Variants in ZNF516 observed in about 807,000 individuals in gnomAD.
ZNF516 encodes zinc finger protein 516.
A neutral mutation model predicts 79.7 loss-of-function variants in ZNF516; 19 were observed. The observed-to-expected ratio is 0.24, with a 90% CI of 0.17 to 0.35. The LOEUF (loss-of-function observed/expected upper bound fraction) is 0.35. Among genes scored for constraint, ZNF516 ranks in the 10% least tolerant of loss-of-function variants. The pLI, the probability that ZNF516 is intolerant of heterozygous loss-of-function variation, is 1.00. For synonymous variants in ZNF516, 877 were observed against 739.5 expected (o/e 1.19, Z -3.02); for missense variants, 1,678 against 1,679.5 (o/e 1.00, Z 0.02).
intron 3 of ZNF516, among the ~76,000 whole-genome samples, chr18:76,398,592 C>A (rs954233540): frequency 6.6e-6 from 1 of 152,062 alleles, no homozygotes; most frequent in Non-Finnish European, 1.5e-5. Context: ...AAAGCCAGGC[C>A]CATAACACTA....
Position 76,442,491 on chromosome 18 carries a change from G to A in ZNF516, c.564C>T (p.Asp188=), listed in dbSNP as rs754560860. The stretch of plus-strand genomic sequence containing the variant: ...GCGCCTGGTGCACGTGCAGCTCCAG[G>A]TCCTTCTTACGCTCGAACTGGCTCT... ...FCKSQFERKK[D]LELHVHQAHK... The change falls in exon 3 of 7, where the codon GAC becomes GAT. Residue 188 remains aspartate (D), a synonymous_variant. Coordinates refer to ENST00000443185, the MANE Select transcript of ZNF516 (RefSeq NM_014643.4). The A allele has an allele frequency of 6.2e-7, 1 of 1,602,952 alleles. No homozygotes were observed. Among genetic ancestry groups the A allele is most frequent in the African/African-American group, 1.3e-5 (1 of 74,926 alleles).
At chr18:76,373,808 T>C (rs1293667021) in intron 4 of ZNF516, among the ~76,000 whole-genome samples, 1 of 152,274 alleles carries the variant, frequency 6.6e-6, no homozygotes. Context: ...CTCTTTACTT[T>C]TTAAAGACAG....
At chr18:76,371,639 G>A (rs1373727721) in intron 4 of ZNF516, 68 bp from the exon 5 acceptor site, 8 of 1,291,702 alleles carry the variant, frequency 6.2e-6, no homozygotes, top group African/African-American at 4.4e-5. Context: ...GGAGGCAGGA[G>A]AGCGAGGGGG....
upstream of ZNF516, chr18:76,496,322 AGTGGAG>A (rs1291093167): frequency 7.8e-7 from 1 of 1,289,514 alleles, no homozygotes; most frequent in South Asian, 1.2e-5. Context: ...ATAACTCCGC[AGTGGAG>A]GTGGATTCCG....
At chr18:76,480,550 T>G (rs892565455) in intron 1 of ZNF516, among the ~76,000 whole-genome samples, 1 of 145,002 alleles carries the variant, frequency 6.9e-6, no homozygotes, top group Non-Finnish European at 1.5e-5. Flanking sequence ...TGAGACGGAG[T>G]CTTGCTCTGT....
chr18:76,385,426 C>T (rs1023775889), intron 3 of ZNF516, among the ~76,000 whole-genome samples: 3 of 152,216 alleles, frequency 2.0e-5, no homozygotes, highest in African/African-American at 4.8e-5. Context: ...GGTGAGGGCA[C>T]TTTGTATAAA....
chr18:76,405,342 C>G (rs183737478), intron 3 of ZNF516, among the ~76,000 whole-genome samples: 1 of 152,304 alleles, frequency 6.6e-6, no homozygotes, highest in East Asian at 1.9e-4. Flanking sequence ...AAGCGATCCT[C>G]CCGCCTCAGC....
intron 1 of ZNF516, among the ~76,000 whole-genome samples, chr18:76,483,828 C>G (rs1914672080): frequency 6.6e-6 from 1 of 152,230 alleles, no homozygotes; most frequent in Non-Finnish European, 1.5e-5. Context: ...GGAATCTGCG[C>G]AGATAGCTGC....
In ZNF516 at chr18:76,442,336, TTGCCGTTCTCCACGCAGGCCTCGCCGC is replaced by T. The variant is rs1274018587; in HGVS notation, c.692_718del (p.Ser231_Gly239del). The T allele has an allele frequency of 1.2e-6, 2 of 1,610,970 alleles. No homozygotes were observed. Among genetic ancestry groups the T allele is most frequent in the Non-Finnish European group, 1.7e-6 (2 of 1,179,286 alleles). Reference sequence around the variant, plus strand: ...GAACTCCCCGGGGCTCAGCTCGGGCTTGCCGTTCTCCACGCAGGCCTCGCCGCTGCCGGGCCCCTGCGCGGTGATGTG... The same window carrying T: ...GAACTCCCCGGGGCTCAGCTCGGGCTTGCCGGGCCCCTGCGCGGTGATGTG... On this transcript the variant is annotated inframe_deletion, in exon 3 of 7. Coordinates refer to ENST00000443185, the MANE Select transcript of ZNF516 (RefSeq NM_014643.4).
At chr18:76,485,707 C>T (rs1159714581) in intron 1 of ZNF516, among the ~76,000 whole-genome samples, 1 of 152,044 alleles carries the variant, frequency 6.6e-6, no homozygotes, top group Non-Finnish European at 1.5e-5. Flanking sequence ...CCTGTGAATT[C>T]AACACAGGTC....
intron 1 of ZNF516, chr18:76,490,998 C>T (rs918657775): frequency 2.0e-6 from 2 of 985,284 alleles, no homozygotes; most frequent in Non-Finnish European, 2.4e-6. Context: ...GCGAGGCGCC[C>T]CAAGCCCGGG....
intron 1 of ZNF516, among the ~76,000 whole-genome samples, chr18:76,494,850 A>ACCCCCAC (rs1915415819): frequency 4.1e-5 from 1 of 24,540 alleles, no homozygotes; most frequent in African/African-American, 1.7e-4. Context: ...CCCGGCCCCC[A>ACCCCCAC]CCCCGCCCCT....
At chr18:76,478,886 T>C (rs900569452) in intron 1 of ZNF516, among the ~76,000 whole-genome samples, 1 of 151,960 alleles carries the variant, frequency 6.6e-6, no homozygotes, top group Non-Finnish European at 1.5e-5. Context: ...CAAAACCCCA[T>C]CTCCACTAAA....
At position 76,441,936 on chromosome 18, in the gene ZNF516, C is replaced by G. The variant is rs1365698663; in HGVS notation, c.1119G>C (p.Ala373=). Residue 373 remains alanine, a synonymous_variant, in exon 3 of 7, where the codon GCG becomes GCC. Coordinates refer to ENST00000443185, the MANE Select transcript of ZNF516 (RefSeq NM_014643.4). ...ACTGCTTGGTGTCCGAGGGCCCCTC[C>G]GCCCCCTCCTCGGCCGGGGCGCGCG... The part of the protein sequence containing the change: ...SRTRAPAEEG[A]EGPSDTKQFF... The G allele has an allele frequency of 1.2e-6, 2 of 1,609,726 alleles. No individual in the cohort carries two copies. Among genetic ancestry groups the G allele is most frequent in the Non-Finnish European group, 1.7e-6 (2 of 1,179,028 alleles).
intron 1 of ZNF516, among the ~76,000 whole-genome samples, chr18:76,469,161 G>A (rs542603009): frequency 4.6e-5 from 7 of 152,190 alleles, no homozygotes; most frequent in African/African-American, 1.2e-4. Context: ...CAGGGTGTGC[G>A]AATGTTCCCT....
intron 3 of ZNF516, among the ~76,000 whole-genome samples, chr18:76,400,503 A>G (rs536041465): frequency 6.6e-6 from 1 of 152,288 alleles, no homozygotes; most frequent in Admixed American, 6.5e-5. Context: ...CCCATTAGAC[A>G]TTCTTACTCT....
At chr18:76,456,944 G>A (rs1912765213) in intron 2 of ZNF516, among the ~76,000 whole-genome samples, 1 of 152,168 alleles carries the variant, frequency 6.6e-6, no homozygotes, top group Non-Finnish European at 1.5e-5. Flanking sequence ...TGTGCTGTGA[G>A]GCTGGGTAAA....
intron 3 of ZNF516, among the ~76,000 whole-genome samples, chr18:76,438,828 C>T (rs1294662671): frequency 6.6e-6 from 1 of 152,120 alleles, no homozygotes; most frequent in Admixed American, 6.5e-5. Context: ...CTGGAATGGT[C>T]GCATAGATCT....
In ZNF516 at chr18:76,442,625, A is replaced by G; in HGVS notation, c.430T>C (p.Ser144Pro). 3.1e-6 allele frequency: 5 copies of G among 1,596,048 alleles called. No homozygotes were observed. Among genetic ancestry groups the G allele is most frequent in the Non-Finnish European group, 4.2e-6 (5 of 1,177,920 alleles). ...AGGACTCTGCCGCTGTCGGCCTGCG[A>G]GGCCCCGTTCAGGACCCTGGCGCCG... ...ADGARVLNGA[S>P]QADSGRVLLR... is the part of the protein sequence containing the mutation. Residue 144 changes from serine (S) to proline (P), a missense_variant, in exon 3 of 7, where the codon TCG (serine) becomes CCG (proline). By Grantham distance (74) the Ser-to-Pro change is moderately conservative (BLOSUM62 -1). This residue lies in a region of ZNF516 where 279 missense variants were observed against 254.1 expected (regional missense o/e 1.10). Transcript: ENST00000443185.
Sources: allele counts gnomAD v4.1 joint callset (sites outside exome capture counted in the v4.1 genomes callset), GRCh38; gene constraint gnomAD v4.1.1; regional missense constraint gnomAD v4.1.1; transcripts MANE v1.5; gene names NCBI Gene and HGNC (gene_info 2026-07-23, HGNC 2026-07-21).